Variants in FAT3 observed in about 807,000 individuals in gnomAD.
FAT3 encodes the protein FAT atypical cadherin 3, also known as protocadherin Fat 3.
FAT3 carries 95 observed loss-of-function variants against 310.2 expected under a neutral mutation model. The ratio of observed to expected loss-of-function variants is 0.31; its 90% CI spans 0.26 to 0.36. The LOEUF (loss-of-function observed/expected upper bound fraction) is 0.36, where lower values mean the gene tolerates loss of function less well. FAT3 is among the 10% of genes least tolerant of loss of function. The pLI, the probability that FAT3 is intolerant of heterozygous loss-of-function variation, is 1.00. For missense variants in FAT3, 5,408 were observed against 5,715.6 expected, an observed-to-expected ratio of 0.95 and a Z score of 1.74; for synonymous variants, 2,314 against 2,192.9, an observed-to-expected ratio of 1.06 and a Z score of -1.54.
Position 92,824,991 on chromosome 11 carries a change from T to C in FAT3, c.9482-6631T>C, listed in dbSNP as rs192394424. On this transcript the variant is annotated intron_variant, in intron 13 of 27. Transcript: ENST00000525166. ...AAATTGGGTAAGTACCAGTTTTTTTTCACAAATGCAAACATCTATTTAGCA... is the reference window on the plus strand; with the variant it reads ...AAATTGGGTAAGTACCAGTTTTTTTCCACAAATGCAAACATCTATTTAGCA... 3.3e-3 allele frequency among the ~76,000 whole-genome samples: 501 copies of C among 152,344 alleles called. 3 individuals carry two copies. Among genetic ancestry groups the C allele is most frequent in the African/African-American group, 0.011 (477 of 41,578 alleles).
chr11:92,527,241 C>CACCAGCTTCATGAACTT (rs1953897621), intron 3 of FAT3, among the ~76,000 whole-genome samples: 1 of 152,144 alleles, frequency 6.6e-6, no homozygotes, highest in Non-Finnish European at 1.5e-5. Context: ...GCACAGTTTT[C>CACCAGCTTCATGAACTT]ACCAGCTTCA....
At chr11:92,619,560 A>T (rs932631160) in intron 3 of FAT3, among the ~76,000 whole-genome samples, 1 of 152,082 alleles carries the variant, frequency 6.6e-6, no homozygotes, top group Admixed American at 6.5e-5. Context: ...CAATATGCCT[A>T]TTCAGATTTA....
intron 3 of FAT3, among the ~76,000 whole-genome samples, chr11:92,586,289 G>A (rs1157772490): frequency 6.6e-6 from 1 of 151,960 alleles, no homozygotes; most frequent in Non-Finnish European, 1.5e-5. Context: ...GTCCTGGGAG[G>A]AGTGGCACCT....
intron 4 of FAT3, among the ~76,000 whole-genome samples, chr11:92,755,688 A>G (rs1467306040): frequency 1.3e-5 from 2 of 152,238 alleles, no homozygotes; most frequent in South Asian, 2.1e-4. Context: ...AAAATTAGGT[A>G]GAGCTTTCTG....
intron 6 of FAT3, among the ~76,000 whole-genome samples, chr11:92,772,439 T>C (rs1159754684): frequency 6.6e-6 from 1 of 152,066 alleles, no homozygotes; most frequent in Non-Finnish European, 1.5e-5. Flanking sequence ...CATGTTGTTA[T>C]CAACATGAAA....
chr11:92,780,976 C>G (rs1206590763), intron 7 of FAT3, among the ~76,000 whole-genome samples: 1 of 151,384 alleles, frequency 6.6e-6, no homozygotes, highest in Non-Finnish European at 1.5e-5. Context: ...ATGGCTCTTT[C>G]AAAGAGTTAA....
intron 2 of FAT3, among the ~76,000 whole-genome samples, chr11:92,423,717 C>T (rs909246683): frequency 6.6e-6 from 1 of 152,114 alleles, no homozygotes; most frequent in Non-Finnish European, 1.5e-5. Flanking sequence ...AAAGAATTGG[C>T]TCACATGATT....
chr11:92,480,764 T>C (rs1019126772), intron 2 of FAT3, among the ~76,000 whole-genome samples: 1 of 152,154 alleles, frequency 6.6e-6, no homozygotes, highest in Middle Eastern at 3.2e-3. Context: ...AGTTGTCCAG[T>C]TGCTGATTTT....
chr11:92,316,520 A>G (rs1591097704), intron 1 of FAT3, among the ~76,000 whole-genome samples: 1 of 152,182 alleles, frequency 6.6e-6, no homozygotes, highest in African/African-American at 2.4e-5. Flanking sequence ...TGAATTGGAG[A>G]TGGATTACCT....
chr11:92,359,486 T>A (rs531816147), intron 2 of FAT3, among the ~76,000 whole-genome samples: 73 of 152,216 alleles, frequency 4.8e-4, no homozygotes, highest in African/African-American at 1.6e-3. Context: ...TTTCTTTTTT[T>A]TTATTATTAT....
At chr11:92,252,068 A>G (rs1413719366) in intron 1 of FAT3, among the ~76,000 whole-genome samples, 1 of 152,124 alleles carries the variant, frequency 6.6e-6, no homozygotes, top group East Asian at 1.9e-4. Context: ...TCCATTTTCA[A>G]CAGTTACCAC....
At position 92,529,054 on chromosome 11, in the gene FAT3, G is replaced by A. The variant is rs138251222; in HGVS notation, c.3607+4106G>A. On this transcript the variant is annotated intron_variant, in intron 3 of 27. Transcript: ENST00000525166. ...AGTTTTATGAAGTGCATGACGTACC[G>A]TTGATCTAGACCCCAGGTGTCAGCA... Among the ~76,000 whole-genome samples, 540 of 152,300 alleles carry A rather than the reference G, an allele frequency of 3.5e-3. 11 individuals are homozygous for A. The highest frequency in any genetic ancestry group is 0.029 in the Admixed American group (438 of 15,300).
At chr11:92,485,401 GA>G (rs1952350195) in intron 2 of FAT3, among the ~76,000 whole-genome samples, 1 of 152,170 alleles carries the variant, frequency 6.6e-6, no homozygotes, top group South Asian at 2.1e-4. Context: ...ACAAAGTCTG[GA>G]AGACAGTTGT....
At chr11:92,581,861 A>C (rs1274380076) in intron 3 of FAT3, among the ~76,000 whole-genome samples, 1 of 152,048 alleles carries the variant, frequency 6.6e-6, no homozygotes, top group African/African-American at 2.4e-5. Context: ...AGACTCACAG[A>C]GAGGGTTCTT....
chr11:92,633,257 G>C lies in FAT3; in HGVS notation c.3608-64127G>C, dbSNP rs1011217909. ...AGTAATTTTTTAAATAGAAAAGACAGCTTTCACAGCCTTGATATAAGGGAG... is the reference window on the plus strand; with the variant it reads ...AGTAATTTTTTAAATAGAAAAGACACCTTTCACAGCCTTGATATAAGGGAG... On this transcript the variant is annotated intron_variant, in intron 3 of 27. Transcript: ENST00000525166. 3.3e-5 allele frequency among the ~76,000 whole-genome samples: 5 copies of C among 152,070 alleles called. No individual in the cohort carries two copies. In the South Asian group the frequency reaches 1.0e-3, roughly 31 times the overall value.
At chr11:92,796,287 G>C (rs894387832) in intron 9 of FAT3, among the ~76,000 whole-genome samples, 3 of 152,182 alleles carry the variant, frequency 2.0e-5, no homozygotes, top group African/African-American at 7.2e-5. Context: ...CCATGTTTAG[G>C]TGGCAAAGTA....
At chr11:92,241,385 C>T (rs915249096) in intron 1 of FAT3, among the ~76,000 whole-genome samples, 1 of 151,990 alleles carries the variant, frequency 6.6e-6, no homozygotes, top group African/African-American at 2.4e-5. Context: ...TATGCCAAGA[C>T]AGTATTGCAA....
chr11:92,798,512 C>G lies in FAT3; in HGVS notation c.5499C>G (p.Ile1833Met). The G allele has an allele frequency of 4.3e-6, 7 of 1,613,802 alleles. No individual in the cohort carries two copies. In the South Asian group the frequency reaches 4.4e-5, roughly 10 times the overall value. The change falls in exon 10 of 28, where the codon ATC becomes ATG. Residue 1833 changes from isoleucine (I) to methionine (M), a missense_variant. Ile to Met is a conservative substitution (Grantham distance 10, BLOSUM62 1). Around this residue, in one of 5 missense-constraint regions of FAT3, gnomAD observed 4,588 missense variants for 4,809.8 expected, o/e 0.95. Transcript: ENST00000525166. ...FFTVDSSTGA[I>M]RTIANLDHET... is the part of the protein sequence containing the mutation. ...CGGTGGACTCCAGTACAGGTGCAATCAGAACAATTGCCAACCTGGACCATG... is the reference window on the plus strand; with the variant it reads ...CGGTGGACTCCAGTACAGGTGCAATGAGAACAATTGCCAACCTGGACCATG...
At chr11:92,338,840 G>T (rs183753963) in intron 1 of FAT3, among the ~76,000 whole-genome samples, 6 of 152,270 alleles carry the variant, frequency 3.9e-5, no homozygotes, top group Admixed American at 3.3e-4. Flanking sequence ...CCACCAAGAG[G>T]TGATGGATCC....
Sources: gnomAD v4.1 joint callset for allele counts (sites outside exome capture counted in the v4.1 genomes callset) on GRCh38, gnomAD v4.1.1 for gene constraint, gnomAD v4.1.1 regional missense constraint, MANE v1.5 for transcripts, NCBI Gene and HGNC (gene_info 2026-07-23, HGNC 2026-07-21) for gene names.